The following VWC2L variants were observed in gnomAD, a reference collection of about 807,000 sequenced individuals.
VWC2L encodes von Willebrand factor C domain-containing protein 2-like.
A neutral mutation model predicts 21.6 loss-of-function variants in VWC2L; 10 were observed. The ratio of observed to expected loss-of-function variants is 0.46; its 90% CI spans 0.29 to 0.78. The LOEUF (loss-of-function observed/expected upper bound fraction) is 0.78, where lower values mean the gene tolerates loss of function less well. Among genes scored for constraint, VWC2L ranks in the 30% least tolerant of loss-of-function variants. The pLI, the probability that VWC2L is intolerant of heterozygous loss-of-function variation, is 0.10. For missense variants in VWC2L, 209 were observed against 277.1 expected (o/e 0.75, Z 1.74); for synonymous variants, 96 against 94.3 (o/e 1.02, Z -0.10).
chr2:214,509,492 A>G (rs1446719926), intron 3 of VWC2L, among the ~76,000 whole-genome samples: 2 of 152,048 alleles, frequency 1.3e-5, no homozygotes, highest in African/African-American at 4.8e-5. Context: ...TTCGTTGATG[A>G]TATTGCACTG....
intron 3 of VWC2L, among the ~76,000 whole-genome samples, chr2:214,498,750 GTATA>G (rs1048857467): frequency 6.8e-6 from 1 of 146,674 alleles, no homozygotes; most frequent in South Asian, 2.1e-4. Flanking sequence ...TTTTATATGT[GTATA>G]TATATTATAC....
chr2:214,453,010 A>T (rs1156244924), intron 3 of VWC2L, among the ~76,000 whole-genome samples: 1 of 152,182 alleles, frequency 6.6e-6, no homozygotes, highest in Non-Finnish European at 1.5e-5. Flanking sequence ...ACTATTTCCC[A>T]TCAGTCTATG....
chr2:214,541,178 C>G (rs193283577), intron 3 of VWC2L, among the ~76,000 whole-genome samples: 2 of 152,274 alleles, frequency 1.3e-5, no homozygotes, highest in East Asian at 1.9e-4. Context: ...GCATTATGTC[C>G]TCTATTCAGC....
chr2:214,524,409 T>C (rs1293800331), intron 3 of VWC2L, among the ~76,000 whole-genome samples: 1 of 152,216 alleles, frequency 6.6e-6, no homozygotes, highest in Non-Finnish European at 1.5e-5. Flanking sequence ...AATTTGTACA[T>C]CTCAGCCACG....
intron 3 of VWC2L, among the ~76,000 whole-genome samples, chr2:214,553,236 C>T (rs543990419): frequency 1.5e-4 from 23 of 152,304 alleles, no homozygotes; most frequent in African/African-American, 4.6e-4. Flanking sequence ...CAGTAACAGT[C>T]GAACTCTGTA....
chr2:214,550,004 C>T (rs1689768556), intron 3 of VWC2L, among the ~76,000 whole-genome samples: 1 of 152,090 alleles, frequency 6.6e-6, no homozygotes, highest in African/African-American at 2.4e-5. Flanking sequence ...TTCAGGATCA[C>T]TCTGCAAACT....
intron 3 of VWC2L, among the ~76,000 whole-genome samples, chr2:214,460,889 G>GT (rs1703130801): frequency 6.6e-6 from 1 of 152,002 alleles, no homozygotes. Flanking sequence ...ACTTCTTCCA[G>GT]TTTTTTGGAT....
intron 3 of VWC2L, among the ~76,000 whole-genome samples, chr2:214,465,644 C>G (rs1030797348): frequency 2.0e-5 from 3 of 152,182 alleles, no homozygotes; most frequent in Admixed American, 1.3e-4. Context: ...TAGGTTCATG[C>G]AGCCCAAGTC....
intron 3 of VWC2L, among the ~76,000 whole-genome samples, chr2:214,458,129 A>ATC (rs771538576): frequency 6.6e-5 from 10 of 152,002 alleles, no homozygotes; most frequent in Non-Finnish European, 1.5e-4. Flanking sequence ...CTCATCACTC[A>ATC]TCATTGGTCT....
At chr2:214,449,393 T>C (rs955699702) in intron 3 of VWC2L, among the ~76,000 whole-genome samples, 1 of 152,162 alleles carries the variant, frequency 6.6e-6, no homozygotes, top group African/African-American at 2.4e-5. Context: ...TCAACAGAAT[T>C]TAATGTGAAG....
At chr2:214,466,976 T>C (rs963572585) in intron 3 of VWC2L, among the ~76,000 whole-genome samples, 6 of 152,224 alleles carry the variant, frequency 3.9e-5, no homozygotes, top group Non-Finnish European at 2.9e-5. Flanking sequence ...TGTCAGACAT[T>C]ATGAATTTTA....
At chr2:214,458,718 A>G (rs1403867134) in intron 3 of VWC2L, among the ~76,000 whole-genome samples, 1 of 151,982 alleles carries the variant, frequency 6.6e-6, no homozygotes, top group Non-Finnish European at 1.5e-5. Flanking sequence ...ACTTTGATGT[A>G]TTTGTACAGT....
At position 214,549,606 on chromosome 2, in the gene VWC2L, C is replaced by T. The variant is rs544630011; in HGVS notation, c.521-26066C>T. ...TGGCCAACATGGTGAAACCATGTCTCTACTGAAAGTATAAAAATTAGCCGG... is the reference window on the plus strand; with the variant it reads ...TGGCCAACATGGTGAAACCATGTCTTTACTGAAAGTATAAAAATTAGCCGG... On this transcript the variant is annotated intron_variant, in intron 3 of 3. Transcript: ENST00000312504. 7.2e-4 allele frequency among the ~76,000 whole-genome samples: 109 copies of T among 152,282 alleles called. 3 individuals carry two copies. Among genetic ancestry groups the T allele is most frequent in the Admixed American group, 4.6e-3 (71 of 15,300 alleles).
intron 3 of VWC2L, among the ~76,000 whole-genome samples, chr2:214,437,104 A>AT (rs956529187): frequency 1.3e-5 from 2 of 152,100 alleles, no homozygotes; most frequent in African/African-American, 4.8e-5. Context: ...AGTTCACCCC[A>AT]TTTTGTGGTG....
At chr2:214,476,295 T>C (rs1377041210) in intron 3 of VWC2L, among the ~76,000 whole-genome samples, 1 of 152,234 alleles carries the variant, frequency 6.6e-6, no homozygotes, top group Non-Finnish European at 1.5e-5. Flanking sequence ...AACCAAATCA[T>C]GCACATTCCA....
chr2:214,438,038 C>T (rs987363815), intron 3 of VWC2L, among the ~76,000 whole-genome samples: 9 of 151,940 alleles, frequency 5.9e-5, no homozygotes, highest in South Asian at 2.1e-4. Context: ...AAAGAAATAA[C>T]GCTCCTGAAG....
intron 3 of VWC2L, among the ~76,000 whole-genome samples, chr2:214,465,759 G>A (rs187133130): frequency 2.2e-4 from 33 of 152,306 alleles, no homozygotes; most frequent in Non-Finnish European, 4.3e-4. Context: ...GCACTTTAGC[G>A]TGTGGTGGTA....
chr2:214,544,833 G>A (rs957625259), intron 3 of VWC2L, among the ~76,000 whole-genome samples: 6 of 152,078 alleles, frequency 3.9e-5, no homozygotes, highest in Non-Finnish European at 8.8e-5. Flanking sequence ...TGCTATTATT[G>A]TCCCATTTTG....
intron 2 of VWC2L, among the ~76,000 whole-genome samples, chr2:214,425,306 G>T (rs1314967666): frequency 2.0e-5 from 3 of 152,098 alleles, no homozygotes; most frequent in Non-Finnish European, 4.4e-5. Context: ...ATCAGTGCGT[G>T]GTCTCAGGGA....
Sources: allele counts gnomAD v4.1 joint callset (sites outside exome capture counted in the v4.1 genomes callset), GRCh38; gene constraint gnomAD v4.1.1; transcripts MANE v1.5; gene names NCBI Gene and HGNC (gene_info 2026-07-23, HGNC 2026-07-21).